OR51I1: variants seen among roughly 807,000 people sequenced by gnomAD.
OR51I1 encodes olfactory receptor family 51 subfamily I member 1.
A neutral mutation model predicts 6.9 loss-of-function variants in OR51I1; 5 were observed. The ratio of observed to expected loss-of-function variants is 0.73; its 90% CI spans 0.38 to 1.52. OR51I1 has a LOEUF of 1.52. Among genes scored for constraint, OR51I1 ranks in the 40% most tolerant of loss-of-function variants. OR51I1 has a pLI of 0.03. For synonymous variants in OR51I1, 183 were observed against 140.3 expected (o/e 1.30, Z -2.15); for missense variants, 465 against 388.5 (o/e 1.20, Z -1.66).
In OR51I1 at chr11:5,441,290, C is replaced by T. The variant is rs1850685016; in HGVS notation, c.225G>A (p.Val75=). 2 of 1,613,906 alleles carry T rather than the reference C, an allele frequency of 1.2e-6. No individual in the cohort carries two copies. Among genetic ancestry groups the T allele is most frequent in the Non-Finnish European group, 1.7e-6 (2 of 1,179,886 alleles). Residue 75 remains valine (V), a synonymous_variant, in exon 1 of 1, where the codon GTG becomes GTA. Coordinates refer to ENST00000380211, the MANE Select transcript of OR51I1 (RefSeq NM_001005288.3). ...TCACAGTGGGAAGTGTAGAAAAGGA[C>T]ACTCCCAGATCATTGAGAGCGAGCA... ...LSMLALNDLG[V]SFSTLPTVIS... is the part of the protein sequence containing the mutation.
chr11:5,441,329 G>A lies in OR51I1; in HGVS notation c.186C>T (p.Tyr62=). 2 of 1,613,898 alleles carry A rather than the reference G, an allele frequency of 1.2e-6. No individual in the cohort carries two copies. Among genetic ancestry groups the A allele is most frequent in the Non-Finnish European group, 1.7e-6 (2 of 1,179,906 alleles). The stretch of plus-strand genomic sequence containing the variant: ...TGAGAGCGAGCATAGAGAGGAAGTA[G>A]TACATGGGCTGATGCAGAGCAGGCT... ...FWEPALHQPM[Y]YFLSMLALND... is the part of the protein sequence containing the mutation. The change falls in exon 1 of 1, where the codon TAC becomes TAT. Residue 62 remains tyrosine (Y), a synonymous_variant. Coordinates refer to ENST00000380211, the MANE Select transcript of OR51I1 (RefSeq NM_001005288.3).
At position 5,441,317 on chromosome 11, in the gene OR51I1, A is replaced by G; in HGVS notation, c.198T>C (p.Ser66=). ...CTCCCAGATCATTGAGAGCGAGCATAGAGAGGAAGTAGTACATGGGCTGAT... is the reference window on the plus strand; with the variant it reads ...CTCCCAGATCATTGAGAGCGAGCATGGAGAGGAAGTAGTACATGGGCTGAT... The part of the protein sequence containing the change: ...ALHQPMYYFL[S]MLALNDLGVS... Residue 66 remains serine (S), a synonymous_variant, in exon 1 of 1, where the codon TCT becomes TCC. Coordinates refer to ENST00000380211, the MANE Select transcript of OR51I1 (RefSeq NM_001005288.3). 6.2e-7 allele frequency: 1 copy of G among 1,613,968 alleles called. No individual in the cohort carries two copies. Among genetic ancestry groups the G allele is most frequent in the East Asian group, 2.2e-5 (1 of 44,880 alleles).
In OR51I1 at chr11:5,441,092, GT is replaced by G; in HGVS notation, c.422del (p.Asn141ThrfsTer25). ...PLRYVTVLTH[N>X]RILAMGLGIL... ...TGCCCAGACCCATAGCCAATATACG[GT>G]TGTGAGTGAGCACAGTGACATAGCG... On this transcript the variant is annotated frameshift_variant, in exon 1 of 1. Coordinates refer to ENST00000380211, the MANE Select transcript of OR51I1 (RefSeq NM_001005288.3). LOFTEE classifies it low-confidence loss of function (END_TRUNC). The G allele has an allele frequency of 6.2e-7, 1 of 1,614,034 alleles. No homozygotes were observed. Among genetic ancestry groups the G allele is most frequent in the Non-Finnish European group, 8.5e-7 (1 of 1,179,972 alleles).
chr11:5,440,982 T>A lies in OR51I1; in HGVS notation c.533A>T (p.His178Leu), dbSNP rs746573144. The A allele has an allele frequency of 1.7e-5, 27 of 1,613,534 alleles. No homozygotes were observed. The highest frequency in any genetic ancestry group is 2.3e-5 in the Non-Finnish European group (27 of 1,179,882). The change falls in exon 1 of 1, where the codon CAC (histidine) becomes CTC (leucine). Residue 178 changes from histidine (H) to leucine (L), a missense_variant. His to Leu is a moderately conservative substitution (Grantham distance 99, BLOSUM62 -3). Transcript: ENST00000380211. Reference sequence around the variant, plus strand: ...GAGATCTGGATGGAGACAGTAGGAGTGATGCAAAACATTGCCTTTGCAGAA... The same window carrying A: ...GAGATCTGGATGGAGACAGTAGGAGAGATGCAAAACATTGCCTTTGCAGAA... ...LPFCKGNVLH[H>L]SYCLHPDLMK...
chr11:5,441,002 G>A lies in OR51I1; in HGVS notation c.513C>T (p.Cys171=). ...FPFVVKRLPF[C]KGNVLHHSYC... is the part of the protein sequence containing the mutation. Reference sequence around the variant, plus strand: ...AGGAGTGATGCAAAACATTGCCTTTGCAGAAGGGCAGTCGTTTCACCACAA... The same window carrying A: ...AGGAGTGATGCAAAACATTGCCTTTACAGAAGGGCAGTCGTTTCACCACAA... The change falls in exon 1 of 1, where the codon TGC becomes TGT. Residue 171 remains cysteine, a synonymous_variant. Coordinates refer to ENST00000380211, the MANE Select transcript of OR51I1 (RefSeq NM_001005288.3). The A allele has an allele frequency of 6.2e-7, 1 of 1,614,014 alleles. No homozygotes were observed. Among genetic ancestry groups the A allele is most frequent in the Non-Finnish European group, 8.5e-7 (1 of 1,179,948 alleles).
Position 5,440,770 on chromosome 11 carries a change from C to T in OR51I1, c.745G>A (p.Ala249Thr). The T allele has an allele frequency of 6.2e-7, 1 of 1,613,936 alleles. No individual in the cohort carries two copies. ...ALNTCMSHIC[A>T]VLAFYVPIIA... ...ATGGGCACATAAAAGGCCAGCACTGCACAGATGTGTGACATGCAGGTGTTG... is the reference window on the plus strand; with the variant it reads ...ATGGGCACATAAAAGGCCAGCACTGTACAGATGTGTGACATGCAGGTGTTG... The change falls in exon 1 of 1, where the codon GCA becomes ACA. Residue 249 changes from alanine to threonine, a missense_variant. By Grantham distance (58) the Ala-to-Thr change is moderately conservative. Coordinates refer to ENST00000380211, the MANE Select transcript of OR51I1 (RefSeq NM_001005288.3).
chr11:5,440,735 GA>G lies in OR51I1; in HGVS notation c.779del (p.Val260AlafsTer3), dbSNP rs760255805. On this transcript the variant is annotated frameshift_variant, in exon 1 of 1. Transcript: ENST00000380211. LOFTEE classifies it high-confidence loss of function. The stretch of plus-strand genomic sequence containing the variant: ...TTTTCCAGAAGCGGTGAATCATGGA[GA>G]CAGCAATTATGGGCACATAAAAGGC... ...VLAFYVPIIA[V>X]SMIHRFWKSA... 6.2e-7 allele frequency: 1 copy of G among 1,614,018 alleles called. No individual in the cohort carries two copies. Among genetic ancestry groups the G allele is most frequent in the East Asian group, 2.2e-5 (1 of 44,878 alleles).
chr11:5,440,679 G>C lies in OR51I1; in HGVS notation c.836C>G (p.Ser279Cys). 2 of 1,613,874 alleles carry C rather than the reference G, an allele frequency of 1.2e-6. No individual in the cohort carries two copies. The highest frequency in any genetic ancestry group is 1.3e-5 in the African/African-American group (1 of 75,016). The change falls in exon 1 of 1, where the codon TCC (serine) becomes TGC (cysteine). Residue 279 changes from serine to cysteine, a missense_variant. Physicochemically the swap from Ser to Cys is moderately radical, Grantham distance 112. Coordinates refer to ENST00000380211, the MANE Select transcript of OR51I1 (RefSeq NM_001005288.3). ...SAPPVVHVMM[S>C]NVYLFVPPML... The stretch of plus-strand genomic sequence containing the variant: ...GGGTGGTACAAACAGGTAGACATTG[G>C]ACATCATGACATGAACAACAGGTGG...
chr11:5,441,053 A>G lies in OR51I1; in HGVS notation c.462T>C (p.Ser154=). 6.2e-7 allele frequency: 1 copy of G among 1,613,882 alleles called. No individual in the cohort carries two copies. The stretch of plus-strand genomic sequence containing the variant: ...AAGGGAAAGGGAAGAGAGTGGTGAA[A>G]CTCTTGGTAAGGATGCCCAGACCCA... ...LAMGLGILTK[S]FTTLFPFPFV... Residue 154 remains serine (S), a synonymous_variant, in exon 1 of 1, where the codon AGT becomes AGC. Coordinates refer to ENST00000380211, the MANE Select transcript of OR51I1 (RefSeq NM_001005288.3).
rs746197593 is a variant in OR51I1 at position 5,441,449 on chromosome 11, T to C, written c.66A>G (p.Ile22Met). 4.3e-6 allele frequency: 7 copies of C among 1,613,812 alleles called. No individual in the cohort carries two copies. Among genetic ancestry groups the C allele is most frequent in the Non-Finnish European group, 5.9e-6 (7 of 1,179,856 alleles). ...GGGCAACCCAGGTGAGGCCTGTTTG[T>C]ATCCCAGGAATGCCTGTCAGCTGGA... ...ATLQLTGIPG[I>M]QTGLTWVALI... Residue 22 changes from isoleucine to methionine, a missense_variant, in exon 1 of 1, where the codon ATA (isoleucine) becomes ATG (methionine). By Grantham distance (10) the Ile-to-Met change is conservative. Coordinates refer to ENST00000380211, the MANE Select transcript of OR51I1 (RefSeq NM_001005288.3).
At position 5,440,985 on chromosome 11, in the gene OR51I1, T is replaced by G; in HGVS notation, c.530A>C (p.His177Pro). The G allele has an allele frequency of 6.2e-7, 1 of 1,614,010 alleles. No homozygotes were observed. The highest frequency in any genetic ancestry group is 1.3e-5 in the African/African-American group (1 of 75,048). ...RLPFCKGNVL[H>P]HSYCLHPDLM... Reference sequence around the variant, plus strand: ...ATCTGGATGGAGACAGTAGGAGTGATGCAAAACATTGCCTTTGCAGAAGGG... The same window carrying G: ...ATCTGGATGGAGACAGTAGGAGTGAGGCAAAACATTGCCTTTGCAGAAGGG... Residue 177 changes from histidine (H) to proline (P), a missense_variant, in exon 1 of 1, where the codon CAT becomes CCT. By Grantham distance (77) the His-to-Pro change is moderately conservative. Transcript: ENST00000380211.
In OR51I1 at chr11:5,441,033, A is replaced by T. The variant is rs1159173020; in HGVS notation, c.482T>A (p.Phe161Tyr). ...LTKSFTTLFP[F>Y]PFVVKRLPFC... Reference sequence around the variant, plus strand: ...GGGCAGTCGTTTCACCACAAAAGGGAAAGGGAAGAGAGTGGTGAAACTCTT... The same window carrying T: ...GGGCAGTCGTTTCACCACAAAAGGGTAAGGGAAGAGAGTGGTGAAACTCTT... Residue 161 changes from phenylalanine (F) to tyrosine (Y), a missense_variant, in exon 1 of 1, where the codon TTC (phenylalanine) becomes TAC (tyrosine). By Grantham distance (22) the Phe-to-Tyr change is conservative (BLOSUM62 3). Coordinates refer to ENST00000380211, the MANE Select transcript of OR51I1 (RefSeq NM_001005288.3). The T allele has an allele frequency of 6.2e-7, 1 of 1,613,934 alleles. No homozygotes were observed. The highest frequency in any genetic ancestry group is 2.2e-5 in the East Asian group (1 of 44,874).
At position 5,440,799 on chromosome 11, in the gene OR51I1, GC is replaced by G. The variant is rs1328167743; in HGVS notation, c.715del (p.Ala239HisfsTer19). The G allele has an allele frequency of 6.2e-7, 1 of 1,613,880 alleles. No homozygotes were observed. The highest frequency in any genetic ancestry group is 8.5e-7 in the Non-Finnish European group (1 of 1,179,916). On this transcript the variant is annotated frameshift_variant, in exon 1 of 1. Transcript: ENST00000380211. LOFTEE classifies it high-confidence loss of function. ...VIISQEQRLK[A>X]LNTCMSHICA... Reference sequence around the variant, plus strand: ...GATGTGTGACATGCAGGTGTTGAGTGCCTTGAGCCGCTGTTCCTGGGATATG... The same window carrying G: ...GATGTGTGACATGCAGGTGTTGAGTGCTTGAGCCGCTGTTCCTGGGATATG...
chr11:5,441,010 G>A lies in OR51I1; in HGVS notation c.505C>T (p.Pro169Ser), dbSNP rs563804697. 8.1e-5 allele frequency: 130 copies of A among 1,614,014 alleles called. 1 individual carries two copies. The South Asian group carries it at 1.3e-3, about 16-fold the overall frequency. The change falls in exon 1 of 1, where the codon CCC becomes TCC. Residue 169 changes from proline to serine, a missense_variant. Coordinates refer to ENST00000380211, the MANE Select transcript of OR51I1 (RefSeq NM_001005288.3). The part of the protein sequence containing the change: ...FPFPFVVKRL[P>S]FCKGNVLHHS... The stretch of plus-strand genomic sequence containing the variant: ...TGCAAAACATTGCCTTTGCAGAAGG[G>A]CAGTCGTTTCACCACAAAAGGGAAA...
Position 5,441,492 on chromosome 11 carries a change from G to T in OR51I1, c.23C>A (p.Pro8His), listed in dbSNP as rs377352485. 2.5e-6 allele frequency: 4 copies of T among 1,612,170 alleles called. No individual in the cohort carries two copies. In the African/African-American group the frequency reaches 4.0e-5, roughly 16 times the overall value. Residue 8 changes from proline to histidine, a missense_variant, in exon 1 of 1, where the codon CCC (proline) becomes CAC (histidine). Pro to His is a moderately conservative substitution (Grantham distance 77). Transcript: ENST00000380211. ...CAGCTGGAGTGTTGCTGGCTGGAAG[G>T]GGGTGCCATTGAGACCCAGCATGGT... MLGLNGT[P>H]FQPATLQLTG... is the part of the protein sequence containing the mutation.
chr11:5,441,310 C>A lies in OR51I1; in HGVS notation c.205G>T (p.Ala69Ser), dbSNP rs772637819. The A allele has an allele frequency of 4.3e-6, 7 of 1,613,716 alleles. No homozygotes were observed. The highest frequency in any genetic ancestry group is 5.9e-6 in the Non-Finnish European group (7 of 1,179,878). Residue 69 changes from alanine to serine, a missense_variant, in exon 1 of 1, where the codon GCT becomes TCT. Coordinates refer to ENST00000380211, the MANE Select transcript of OR51I1 (RefSeq NM_001005288.3). The part of the protein sequence containing the change: ...QPMYYFLSML[A>S]LNDLGVSFST... ...AAGGACACTCCCAGATCATTGAGAG[C>A]GAGCATAGAGAGGAAGTAGTACATG...
rs16930982 is a variant in OR51I1 at position 5,441,144 on chromosome 11, C to T, written c.371G>A (p.Arg124His). The change falls in exon 1 of 1, where the codon CGC becomes CAC. Residue 124 changes from arginine (R) to histidine (H), a missense_variant. By Grantham distance (29) the Arg-to-His change is conservative (BLOSUM62 0). Coordinates refer to ENST00000380211, the MANE Select transcript of OR51I1 (RefSeq NM_001005288.3). ...SGILLAMSLDRFVAICYPLRY... is the reference protein window; with the variant it reads ...SGILLAMSLDHFVAICYPLRY... Reference sequence around the variant, plus strand: ...TAATGGATAACAAATAGCCACAAAGCGATCCAAGCTCATGGCCAGCAGTAT... The same window carrying T: ...TAATGGATAACAAATAGCCACAAAGTGATCCAAGCTCATGGCCAGCAGTAT... 0.04 allele frequency: 65,302 copies of T among 1,613,890 alleles called. 4,461 individuals carry two copies. Among genetic ancestry groups the T allele is most frequent in the East Asian group, 0.33 (14,931 of 44,854 alleles).
In OR51I1 at chr11:5,441,486, T is replaced by C; in HGVS notation, c.29A>G (p.Gln10Arg). ...GCCTGTCAGCTGGAGTGTTGCTGGC[T>C]GGAAGGGGGTGCCATTGAGACCCAG... MLGLNGTPF[Q>R]PATLQLTGIP... Residue 10 changes from glutamine to arginine, a missense_variant, in exon 1 of 1, where the codon CAG becomes CGG. Physicochemically the swap from Gln to Arg is conservative, Grantham distance 43. Transcript: ENST00000380211. The C allele has an allele frequency of 6.2e-7, 1 of 1,612,550 alleles. No individual in the cohort carries two copies. The highest frequency in any genetic ancestry group is 8.5e-7 in the Non-Finnish European group (1 of 1,179,728).
Position 5,441,412 on chromosome 11 carries a change from T to C in OR51I1, c.103A>G (p.Ile35Val). Residue 35 changes from isoleucine (I) to valine (V), a missense_variant, in exon 1 of 1, where the codon ATC becomes GTC. Physicochemically the swap from Ile to Val is conservative, Grantham distance 29 (BLOSUM62 3). Transcript: ENST00000380211. ...GLTWVALIFC[I>V]LYMISIVGNL... Reference sequence around the variant, plus strand: ...CCTACAATGGAGATCATGTAGAGGATGCAGAAAATCAGGGCAACCCAGGTG... The same window carrying C: ...CCTACAATGGAGATCATGTAGAGGACGCAGAAAATCAGGGCAACCCAGGTG... 3 of 1,613,948 alleles carry C rather than the reference T, an allele frequency of 1.9e-6. No individual in the cohort carries two copies. Among genetic ancestry groups the C allele is most frequent in the Non-Finnish European group, 1.7e-6 (2 of 1,179,890 alleles).
Sources: gnomAD v4.1 joint callset for allele counts on GRCh38, gnomAD v4.1.1 for gene constraint, MANE v1.5 for transcripts, NCBI Gene and HGNC (gene_info 2026-07-23, HGNC 2026-07-21) for gene names.